The following KCNIP4 variants were observed in gnomAD, a reference collection of about 807,000 sequenced individuals.
KCNIP4 encodes the protein Kv channel-interacting protein 4.
A neutral mutation model predicts 34.0 loss-of-function variants in KCNIP4; 12 were observed. The ratio of observed to expected loss-of-function variants is 0.35; its 90% CI spans 0.23 to 0.57. KCNIP4 has a LOEUF of 0.57. Among genes scored for constraint, KCNIP4 ranks in the 20% least tolerant of loss-of-function variants. The pLI, the probability that KCNIP4 is intolerant of heterozygous loss-of-function variation, is 0.83. For missense variants in KCNIP4, 238 were observed against 311.7 expected (o/e 0.76, Z 1.78); for synonymous variants, 124 against 102.2 (o/e 1.21, Z -1.29).
intron 1 of KCNIP4, among the ~76,000 whole-genome samples, chr4:21,035,426 T>C (rs1441761863): frequency 6.6e-6 from 1 of 152,222 alleles, no homozygotes; most frequent in East Asian, 1.9e-4. Context: ...ACTAGCTTTG[T>C]CCTACCACTC....
At chr4:21,397,649 T>C (rs1723117364) in intron 1 of KCNIP4, among the ~76,000 whole-genome samples, 1 of 152,216 alleles carries the variant, frequency 6.6e-6, no homozygotes, top group Admixed American at 6.5e-5. Context: ...CTAAATATTT[T>C]TAAATATAAC....
intron 1 of KCNIP4, among the ~76,000 whole-genome samples, chr4:21,396,251 C>T (rs111763574): frequency 6.6e-6 from 1 of 151,638 alleles, no homozygotes; most frequent in African/African-American, 2.4e-5. Flanking sequence ...CTTATTATCC[C>T]CTTCTTAAAA....
chr4:21,758,505 T>C (rs1290266805), intron 1 of KCNIP4, among the ~76,000 whole-genome samples: 3 of 152,220 alleles, frequency 2.0e-5, no homozygotes, highest in Non-Finnish European at 4.4e-5. Context: ...TTTCACTTCC[T>C]GCAATCCATC....
intron 1 of KCNIP4, among the ~76,000 whole-genome samples, chr4:21,174,457 G>T (rs900605295): frequency 6.6e-6 from 1 of 152,152 alleles, no homozygotes; most frequent in Non-Finnish European, 1.5e-5. Context: ...AAATAATGCA[G>T]ATTCTTGACA....
At chr4:21,549,732 C>T (rs1230443797) in intron 1 of KCNIP4, among the ~76,000 whole-genome samples, 2 of 151,964 alleles carry the variant, frequency 1.3e-5, no homozygotes, top group Non-Finnish European at 2.9e-5. Flanking sequence ...GTGACTTGTT[C>T]AGACAGTAAA....
intron 1 of KCNIP4, among the ~76,000 whole-genome samples, chr4:21,043,594 C>T (rs1388440188): frequency 1.3e-5 from 2 of 152,030 alleles, no homozygotes; most frequent in South Asian, 4.2e-4. Context: ...CCGCCTTGGC[C>T]TCTCAAAGTG....
In KCNIP4 at chr4:21,236,902, G is replaced by A. The variant is rs905829366; in HGVS notation, c.62-354193C>T. Among the ~76,000 whole-genome samples the A allele has an allele frequency of 4.6e-5, 7 of 151,436 alleles. No individual in the cohort carries two copies. In the South Asian group the frequency reaches 1.5e-3, roughly 32 times the overall value. ...GGTGCCTGTAATGCCAATTACTCGG[G>A]AGGCTGAGGCAGAGAATTGCTTGAA... On this transcript the variant is annotated intron_variant, in intron 1 of 8. Coordinates refer to ENST00000382152, the MANE Select transcript of KCNIP4 (RefSeq NM_025221.6).
chr4:21,731,977 C>T (rs1401005405), intron 1 of KCNIP4, among the ~76,000 whole-genome samples: 1 of 151,782 alleles, frequency 6.6e-6, no homozygotes, highest in Admixed American at 6.6e-5. Context: ...ATTATATATG[C>T]TCCAGCTATT....
At chr4:20,959,716 A>C (rs1459052942) in intron 1 of KCNIP4, among the ~76,000 whole-genome samples, 2 of 152,028 alleles carry the variant, frequency 1.3e-5, no homozygotes, top group African/African-American at 4.8e-5. Context: ...CTCTCTTCCC[A>C]CCTTGAACCC....
chr4:20,979,797 CT>C (rs34630151), intron 1 of KCNIP4, among the ~76,000 whole-genome samples: 19,956 of 152,012 alleles, frequency 0.13, 1,334 homozygotes, highest in Non-Finnish European at 0.13. Context: ...AAGTTGAAGT[CT>C]TTAAGTCAAT....
intron 1 of KCNIP4, among the ~76,000 whole-genome samples, chr4:21,407,684 T>C (rs1458049310): frequency 6.6e-6 from 1 of 152,214 alleles, no homozygotes; most frequent in East Asian, 1.9e-4. Flanking sequence ...TAATACACTA[T>C]TGCACATTTT....
At chr4:21,555,297 T>C (rs1738920593) in intron 1 of KCNIP4, among the ~76,000 whole-genome samples, 1 of 152,120 alleles carries the variant, frequency 6.6e-6, no homozygotes, top group Admixed American at 6.6e-5. Context: ...CTGAGTTCAC[T>C]GAGCCATGCT....
At chr4:21,894,965 G>T (rs1727300211) in intron 1 of KCNIP4, among the ~76,000 whole-genome samples, 1 of 152,082 alleles carries the variant, frequency 6.6e-6, no homozygotes, top group South Asian at 2.1e-4. Flanking sequence ...CATTATCCCT[G>T]TCCCTTTAAT....
intron 1 of KCNIP4, among the ~76,000 whole-genome samples, chr4:21,793,095 T>C (rs1720399850): frequency 6.6e-6 from 1 of 152,132 alleles, no homozygotes; most frequent in Non-Finnish European, 1.5e-5. Flanking sequence ...CAGTTTTTGT[T>C]GTACCTTTAA....
chr4:21,893,381 C>A (rs1727214597), intron 1 of KCNIP4, among the ~76,000 whole-genome samples: 1 of 152,104 alleles, frequency 6.6e-6, no homozygotes, highest in Non-Finnish European at 1.5e-5. Flanking sequence ...TTCTGACATC[C>A]TTTTCATGTT....
At chr4:21,044,638 T>C (rs903093940) in intron 1 of KCNIP4, among the ~76,000 whole-genome samples, 1 of 152,194 alleles carries the variant, frequency 6.6e-6, no homozygotes, top group African/African-American at 2.4e-5. Context: ...GAATGCAGAC[T>C]GACTCCACAT....
intron 1 of KCNIP4, among the ~76,000 whole-genome samples, chr4:21,822,907 A>G (rs28592000): frequency 0.98 from 148,624 of 151,994 alleles, 72,756 homozygotes; most frequent in South Asian, 1. Context: ...TAGTAGAGAC[A>G]GGGGTTTCAC....
intron 1 of KCNIP4, among the ~76,000 whole-genome samples, chr4:21,582,597 C>CAG (rs1405740618): frequency 6.6e-6 from 1 of 151,864 alleles, no homozygotes; most frequent in East Asian, 1.9e-4. Flanking sequence ...ATCAGAAATA[C>CAG]AAGTTTAAAA....
chr4:21,036,615 A>G (rs1430979119), intron 1 of KCNIP4, among the ~76,000 whole-genome samples: 1 of 152,198 alleles, frequency 6.6e-6, no homozygotes, highest in Admixed American at 6.5e-5. Flanking sequence ...AGTCCCAGCT[A>G]CTTGGGAGGC....
Sources: gnomAD v4.1 joint callset for allele counts (sites outside exome capture counted in the v4.1 genomes callset) on GRCh38, gnomAD v4.1.1 for gene constraint, MANE v1.5 for transcripts, NCBI Gene and HGNC (gene_info 2026-07-23, HGNC 2026-07-21) for gene names.